XRCC4: variants seen among roughly 807,000 people sequenced by gnomAD.
XRCC4 encodes the protein X-ray repair cross complementing 4.
Under a neutral mutation model 39.1 loss-of-function variants are expected in XRCC4, and 28 were observed. The ratio of observed to expected loss-of-function variants is 0.72; its 90% CI spans 0.53 to 0.98. The LOEUF (loss-of-function observed/expected upper bound fraction) is 0.98. Among genes scored for constraint, XRCC4 ranks in the 50% least tolerant of loss-of-function variants. The pLI, the probability that XRCC4 is intolerant of heterozygous loss-of-function variation, is 0.00. For missense variants in XRCC4, 350 were observed against 376.4 expected (o/e 0.93, Z 0.58); for synonymous variants, 123 against 126.4 (o/e 0.97, Z 0.18).
intron 7 of XRCC4, among the ~76,000 whole-genome samples, chr5:83,316,616 A>G (rs1755895529): frequency 6.8e-6 from 1 of 146,338 alleles, no homozygotes; most frequent in Non-Finnish European, 1.5e-5. Flanking sequence ...AGGCCATTAC[A>G]TAATGGTAAA....
At position 83,353,392 on chromosome 5, in the gene XRCC4, G is replaced by T; in HGVS notation, c.*150G>T. The T allele has an allele frequency of 3.4e-6, 2 of 587,038 alleles. No individual in the cohort carries two copies. The highest frequency in any genetic ancestry group is 3.0e-6 in the Non-Finnish European group (1 of 337,594). The allele number at this position is 587,038 out of a possible 1,614,324, so 36.4% of individuals were successfully genotyped here. A position where few individuals can be genotyped will look rare whatever the true frequency, so the allele number is the denominator to read the frequency against. On this transcript the variant is annotated 3_prime_UTR_variant, in exon 8 of 8. Coordinates refer to ENST00000396027, the MANE Select transcript of XRCC4 (RefSeq NM_003401.5). ...GTGAATTGAAACCATTGTGCAAAAT[G>T]GATTACACATGTATACAAAGATACG...
chr5:83,154,514 A>T (rs534107436), intron 3 of XRCC4, among the ~76,000 whole-genome samples: 1 of 152,306 alleles, frequency 6.6e-6, no homozygotes, highest in Non-Finnish European at 1.5e-5. Flanking sequence ...CAGATAAGGG[A>T]TATGCAATTT....
intron 3 of XRCC4, among the ~76,000 whole-genome samples, chr5:83,192,443 G>T (rs1189329771): frequency 6.6e-6 from 1 of 151,536 alleles, no homozygotes; most frequent in Non-Finnish European, 1.5e-5. Flanking sequence ...GAGTAGCTGG[G>T]ACTACAGGCA....
chr5:83,180,702 T>C (rs771245762), intron 3 of XRCC4, among the ~76,000 whole-genome samples: 3 of 152,206 alleles, frequency 2.0e-5, no homozygotes, highest in Non-Finnish European at 4.4e-5. Context: ...GAAGTTCTTC[T>C]AGAAAATATT....
At position 83,232,733 on chromosome 5, in the gene XRCC4, A is replaced by C. The variant is rs538055763; in HGVS notation, c.746-25797A>C. 1.9e-4 allele frequency among the ~76,000 whole-genome samples: 29 copies of C among 152,262 alleles called. No homozygotes were observed. In the South Asian group the frequency reaches 5.6e-3, roughly 29 times the overall value. ...ATCTTGTTCAAGAGCAAAGCTATTA[A>C]ATCTTGTAAATTTCTGGTCAAAAAA... On this transcript the variant is annotated intron_variant, in intron 6 of 7. Coordinates refer to ENST00000396027, the MANE Select transcript of XRCC4 (RefSeq NM_003401.5).
intron 3 of XRCC4, among the ~76,000 whole-genome samples, chr5:83,149,627 A>G (rs1748615057): frequency 6.6e-6 from 1 of 152,158 alleles, no homozygotes; most frequent in African/African-American, 2.4e-5. Flanking sequence ...AACTCAATGT[A>G]GTATTTCATC....
intron 7 of XRCC4, among the ~76,000 whole-genome samples, chr5:83,271,732 G>A (rs1272891991): frequency 1.3e-5 from 2 of 152,132 alleles, no homozygotes; most frequent in African/African-American, 4.8e-5. Flanking sequence ...TAAAAAGTGG[G>A]AGGGAAGAGA....
At chr5:83,134,102 G>GTT (rs1376737890) in intron 3 of XRCC4, among the ~76,000 whole-genome samples, 2 of 152,202 alleles carry the variant, frequency 1.3e-5, no homozygotes, top group Non-Finnish European at 2.9e-5. Flanking sequence ...TTGGACCGCT[G>GTT]TTCCCTATTC....
At chr5:83,280,086 A>C (rs1164791149) in intron 7 of XRCC4, 1 of 202,134 alleles carries the variant, frequency 4.9e-6, no homozygotes, top group Non-Finnish European at 1.1e-5. Context: ...GAAATTGAAA[A>C]ATCAGAGGTA....
At chr5:83,098,508 G>A (rs991157822) in intron 1 of XRCC4, among the ~76,000 whole-genome samples, 11 of 152,090 alleles carry the variant, frequency 7.2e-5, no homozygotes, top group African/African-American at 2.4e-4. Flanking sequence ...GATTAGAAGG[G>A]TATTTAGTAA....
At chr5:83,263,341 G>A (rs1753832389) in intron 7 of XRCC4, among the ~76,000 whole-genome samples, 1 of 151,682 alleles carries the variant, frequency 6.6e-6, no homozygotes, top group African/African-American at 2.4e-5. Flanking sequence ...ATGATTTATA[G>A]TCCTTTGGGT....
intron 3 of XRCC4, among the ~76,000 whole-genome samples, chr5:83,147,342 T>C (rs1035627666): frequency 2.6e-5 from 4 of 152,068 alleles, no homozygotes; most frequent in African/African-American, 9.7e-5. Context: ...GAAAATGTGA[T>C]AGATCTACAA....
intron 3 of XRCC4, among the ~76,000 whole-genome samples, chr5:83,136,119 C>T (rs571526341): frequency 6.6e-6 from 1 of 152,242 alleles, no homozygotes; most frequent in Admixed American, 6.5e-5. Flanking sequence ...TTTTACCCCG[C>T]TATTGAGGCA....
intron 4 of XRCC4, among the ~76,000 whole-genome samples, chr5:83,196,851 T>C (rs1274159079): frequency 6.6e-6 from 1 of 151,870 alleles, no homozygotes; most frequent in Non-Finnish European, 1.5e-5. Flanking sequence ...GCAACCATTG[T>C]GATTGCTCTG....
At chr5:83,315,329 T>C (rs1325397954) in intron 7 of XRCC4, among the ~76,000 whole-genome samples, 1 of 152,110 alleles carries the variant, frequency 6.6e-6, no homozygotes, top group African/African-American at 2.4e-5. Context: ...AGAAGCCATT[T>C]ATAACAAAAA....
chr5:83,151,819 C>G (rs560858096), intron 3 of XRCC4, among the ~76,000 whole-genome samples: 2 of 152,260 alleles, frequency 1.3e-5, no homozygotes, highest in South Asian at 4.1e-4. Context: ...TAACATTAAC[C>G]AAATGTGCAG....
chr5:83,198,489 T>C (rs1337055404), intron 4 of XRCC4, among the ~76,000 whole-genome samples: 2 of 152,050 alleles, frequency 1.3e-5, no homozygotes, highest in Admixed American at 6.6e-5. Context: ...CAATATCCCA[T>C]TGTTTGCAAA....
the XRCC4 span, among the ~76,000 whole-genome samples, chr5:83,368,689 C>T: frequency 6.6e-6 from 1 of 152,096 alleles, no homozygotes; most frequent in South Asian, 2.1e-4. Flanking sequence ...GTAGATCCTA[C>T]GATAGTCCTT....
intron 6 of XRCC4, among the ~76,000 whole-genome samples, chr5:83,215,663 T>C (rs915905353): frequency 3.3e-5 from 5 of 152,230 alleles, no homozygotes; most frequent in Non-Finnish European, 1.5e-5. Flanking sequence ...ACTGTAGAAG[T>C]AAGCCTTCAT....
Sources: allele counts gnomAD v4.1 joint callset (sites outside exome capture counted in the v4.1 genomes callset), GRCh38; gene constraint gnomAD v4.1.1; transcripts MANE v1.5; gene names NCBI Gene and HGNC (gene_info 2026-07-23, HGNC 2026-07-21).